The following GRAMD1A variants were observed in gnomAD, a reference collection of about 807,000 sequenced individuals.
GRAMD1A encodes protein Aster-A.
In GRAMD1A, 50 loss-of-function variants were observed where a neutral mutation model predicts 92.0. The ratio of observed to expected loss-of-function variants is 0.54; its 90% CI spans 0.43 to 0.69. The LOEUF is 0.69. Among genes scored for constraint, GRAMD1A ranks in the 30% least tolerant of loss-of-function variants. The probability of loss-of-function intolerance (pLI) is 0.00; values close to 1 mark genes in which losing one functional copy is unlikely to be tolerated. For missense variants in GRAMD1A, 819 were observed against 978.9 expected (o/e 0.84, Z 2.18); for synonymous variants, 405 against 403.6 (o/e 1.00, Z -0.04).
At chr19:34,995,190 G>A (rs2013977269) in intron 1 of GRAMD1A, among the ~76,000 whole-genome samples, 1 of 152,226 alleles carries the variant, frequency 6.6e-6, no homozygotes, top group South Asian at 2.1e-4. Context: ...CCGTTACCCA[G>A]GCCCGGGCTC....
rs528813000 is a variant in GRAMD1A at position 35,000,970 on chromosome 19, T to C, written c.8+484T>C. 6.6e-6 allele frequency among the ~76,000 whole-genome samples: 1 copy of C among 151,234 alleles called. No individual in the cohort carries two copies. The highest frequency in any genetic ancestry group is 2.4e-5 in the African/African-American group (1 of 41,126). ...TGGGCCCCCTCCCACCGTCCTTGGCTGTTGCGGGTCTCGGGGCTGCCGGGG... is the reference window on the plus strand; with the variant it reads ...TGGGCCCCCTCCCACCGTCCTTGGCCGTTGCGGGTCTCGGGGCTGCCGGGG... On this transcript the variant is annotated intron_variant, in intron 1 of 19. Transcript: ENST00000317991. The surrounding 1 kb of genome is among the most constrained non-coding windows in gnomAD (Gnocchi z 4.9).
Position 35,013,730 on chromosome 19 carries a change from G to A in GRAMD1A, c.870+39G>A. 3 of 1,563,082 alleles carry A rather than the reference G, an allele frequency of 1.9e-6. No individual in the cohort carries two copies. The highest frequency in any genetic ancestry group is 2.6e-6 in the Non-Finnish European group (3 of 1,146,338). On this transcript the variant is annotated intron_variant, in intron 9 of 19. Coordinates refer to ENST00000317991, the MANE Select transcript of GRAMD1A (RefSeq NM_020895.5). The surrounding 1 kb of genome is among the most constrained non-coding windows in gnomAD (Gnocchi z 4.9). Reference sequence around the variant, plus strand: ...TGGAAGAGGGGTGGGATACTGATAGGAAGAGAGAGGAGGGCTGGGGGTGCA... The same window carrying A: ...TGGAAGAGGGGTGGGATACTGATAGAAAGAGAGAGGAGGGCTGGGGGTGCA...
upstream of GRAMD1A, chr19:34,999,402 A>G (rs1266987295): frequency 6.6e-6 from 1 of 151,850 alleles, no homozygotes; most frequent in Non-Finnish European, 1.5e-5. Context: ...CGTACCCTGG[A>G]GAGCGCTGGG....
chr19:35,020,277 G>A (rs981579078), intron 13 of GRAMD1A, among the ~76,000 whole-genome samples: 4 of 152,030 alleles, frequency 2.6e-5, no homozygotes, highest in East Asian at 1.9e-4. Flanking sequence ...AGTGGCTTAC[G>A]CCTGTAATCC....
rs1334219383 is a variant in GRAMD1A, at chr19:35,014,500, T to A, written c.1069+113T>A. 1.3e-5 allele frequency: 12 copies of A among 899,078 alleles called. No individual in the cohort carries two copies. The African/African-American group carries it at 1.8e-4, about 14-fold the overall frequency. The allele number at this position is 899,078 out of a possible 1,614,324, so 55.7% of individuals were successfully genotyped here. A position where few individuals can be genotyped will look rare whatever the true frequency, so the allele number is the denominator to read the frequency against. ...ACTGAGAATCCAGGGGCAGGCGGGA[T>A]GGCGTTCAGGCGCTGTTGCTAGAAA... On this transcript the variant is annotated intron_variant, in intron 10 of 19. Transcript: ENST00000317991.
chr19:35,011,822 G>T (rs546254846), intron 7 of GRAMD1A, among the ~76,000 whole-genome samples: 6 of 152,220 alleles, frequency 3.9e-5, no homozygotes, highest in Non-Finnish European at 8.8e-5. Flanking sequence ...CACTGGCAGC[G>T]GGGGAGTGTG....
chr19:34,999,935 C>G, upstream of GRAMD1A: 15 of 966,724 alleles, frequency 1.6e-5, no homozygotes, highest in Non-Finnish European at 1.8e-5. Flanking sequence ...ACATACACCT[C>G]GGTTTCCCAG....
At chr19:35,000,053 A>G, upstream of GRAMD1A, 5 of 985,824 alleles carry the variant, frequency 5.1e-6, no homozygotes, top group Non-Finnish European at 6.0e-6. The surrounding 1 kb of genome is among the most constrained non-coding windows in gnomAD (Gnocchi z 4.9). Flanking sequence ...TTTTCTAGGT[A>G]CTAGGGGAGG....
At chr19:35,015,729 A>G (rs1038368301) in intron 10 of GRAMD1A, 95 bp from the exon 11 acceptor site, 1 of 1,250,558 alleles carries the variant, frequency 8.0e-7, no homozygotes, top group Non-Finnish European at 1.1e-6. Context: ...GGGTCCGCCC[A>G]TGCACACTAC....
chr19:35,020,841 A>G (rs534036145), intron 13 of GRAMD1A, among the ~76,000 whole-genome samples: 2 of 152,244 alleles, frequency 1.3e-5, no homozygotes, highest in African/African-American at 4.8e-5. Flanking sequence ...AAAGACAGGT[A>G]CAGGAGCAGG....
rs1269050026 is a variant in GRAMD1A, at chr19:35,010,574, T to C, written c.525+195T>C. The C allele has an allele frequency of 6.6e-6, 4 of 604,106 alleles. No individual in the cohort carries two copies. The African/African-American group carries it at 7.4e-5, about 11-fold the overall frequency. 37.4% of individuals were successfully genotyped at this position (604,106 alleles called of 1,614,324 possible). A position where few individuals can be genotyped will look rare whatever the true frequency, so the allele number is the denominator to read the frequency against. ...GCCTCTCCTCTCTTTCCCTGCAACC[T>C]GTTACCTCACACAGCTGCTCAGGAA... On this transcript the variant is annotated intron_variant, in intron 6 of 19. Coordinates refer to ENST00000317991, the MANE Select transcript of GRAMD1A (RefSeq NM_020895.5).
At chr19:35,010,004 G>C (rs1317339559) in intron 4 of GRAMD1A, 32 bp downstream of exon 4, 1 of 1,564,208 alleles carries the variant, frequency 6.4e-7, no homozygotes, top group Non-Finnish European at 8.8e-7. Flanking sequence ...CCAGCTCCTA[G>C]CCCAGCCCTG....
intron 1 of GRAMD1A, among the ~76,000 whole-genome samples, chr19:35,004,226 C>T (rs1342264577): frequency 2.0e-5 from 3 of 151,944 alleles, no homozygotes; most frequent in African/African-American, 4.8e-5. Flanking sequence ...TCGGAGCTGC[C>T]GTTAACCATG....
In GRAMD1A at chr19:35,009,928, G is replaced by A. The variant is rs776357005; in HGVS notation, c.281G>A (p.Arg94Gln). The A allele has an allele frequency of 5.6e-6, 9 of 1,613,078 alleles. No individual in the cohort carries two copies. Among genetic ancestry groups the A allele is most frequent in the African/African-American group, 5.3e-5 (4 of 74,878 alleles). Residue 94 changes from arginine (R) to glutamine (Q), a missense_variant, in exon 4 of 20, where the codon CGG becomes CAG. Physicochemically the swap from Arg to Gln is conservative, Grantham distance 43 (BLOSUM62 1). Coordinates refer to ENST00000317991, the MANE Select transcript of GRAMD1A (RefSeq NM_020895.5). ...TATAAGCAGCGTAATGAGGACTTCC[G>A]GAAACTGTTCAGCAAACTCCCCGAA... Reference protein sequence around the residue: ...PTYKQRNEDFRKLFSKLPEAE... With the variant: ...PTYKQRNEDFQKLFSKLPEAE...
chr19:35,013,680 G>C lies in GRAMD1A; in HGVS notation c.859G>C (p.Ala287Pro). Residue 287 changes from alanine to proline, a missense_variant, in exon 9 of 20, where the codon GCA becomes CCA. Around this residue, in one of 3 missense-constraint regions of GRAMD1A, gnomAD observed 577 missense variants for 674.6 expected, o/e 0.86. Transcript: ENST00000317991. The surrounding 1 kb of genome is among the most constrained non-coding windows in gnomAD (Gnocchi z 4.9). The stretch of plus-strand genomic sequence containing the variant: ...CAACCTTTCCCGAGCCAGCAGCGAC[G>C]CAGACCATGGGGTGAGCGGTGGGTT... ...TPNLSRASSD[A>P]DHGAEEDKEE... 6.2e-7 allele frequency: 1 copy of C among 1,610,250 alleles called. No individual in the cohort carries two copies. Among genetic ancestry groups the C allele is most frequent in the Non-Finnish European group, 8.5e-7 (1 of 1,178,148 alleles).
At position 35,026,275 on chromosome 19, in the gene GRAMD1A, G is replaced by T; in HGVS notation, c.*134G>T. The T allele has an allele frequency of 3.2e-6, 2 of 622,316 alleles. No individual in the cohort carries two copies. The highest frequency in any genetic ancestry group is 5.1e-5 in the Admixed American group (2 of 39,506). The allele number at this position is 622,316 out of a possible 1,614,324, so 38.5% of individuals were successfully genotyped here. On this transcript the variant is annotated 3_prime_UTR_variant, in exon 20 of 20. Coordinates refer to ENST00000317991, the MANE Select transcript of GRAMD1A (RefSeq NM_020895.5). ...CGACGGCCCAACCAGGGGCTGTGCA[G>T]ACGTGGGGACCACGGAACCGAGATG... is the stretch of plus-strand genomic sequence containing the variant.
Position 35,000,431 on chromosome 19 carries a change from C to CTGCCT in GRAMD1A, c.-44_-43insTTGCC, listed in dbSNP as rs2014261724. 67 of 1,228,354 alleles carry CTGCCT rather than the reference C, an allele frequency of 5.5e-5. No individual in the cohort carries two copies. The East Asian group carries it at 2.3e-3, about 42-fold the overall frequency. 76.1% of individuals were successfully genotyped at this position (1,228,354 alleles called of 1,614,324 possible). A position where few individuals can be genotyped will look rare whatever the true frequency, so the allele number is the denominator to read the frequency against. ...CAGCCCCGCGCAGCCCAGCCCTGCC[C>CTGCCT]TGCCCTGCCCTGCCCTGCGCCCGGG... On this transcript the variant is annotated 5_prime_UTR_variant, in exon 1 of 20. Transcript: ENST00000317991. This position sits in a 1 kb window ranked among gnomAD's most constrained non-coding sequence, Gnocchi z 4.9.
intron 10 of GRAMD1A, 41 bp from the exon 11 acceptor site, chr19:35,015,760 CGTGGCCCGCAGAGGGAGGGAGGA>C: frequency 2.6e-6 from 4 of 1,518,654 alleles, no homozygotes; most frequent in Non-Finnish European, 3.6e-6. Context: ...AGTGGGGAGG[CGTGGCCCGCAGAGGGAGGGAGGA>C]GTGGAGGCAG....
chr19:35,013,214 C>A lies in GRAMD1A; in HGVS notation c.607-42C>A, dbSNP rs757877054. Reference sequence around the variant, plus strand: ...GGGAATCTGGCGGGCCGGGCTCTGGCTGGGGTGAGATGGAGGCCAACCCCA... The same window carrying A: ...GGGAATCTGGCGGGCCGGGCTCTGGATGGGGTGAGATGGAGGCCAACCCCA... On this transcript the variant is annotated intron_variant, in intron 7 of 19. Transcript: ENST00000317991. The surrounding 1 kb of genome is among the most constrained non-coding windows in gnomAD (Gnocchi z 4.9). The A allele has an allele frequency of 2.7e-6, 3 of 1,095,336 alleles. No homozygotes were observed. Among genetic ancestry groups the A allele is most frequent in the South Asian group, 1.4e-5 (1 of 73,470 alleles). The allele number at this position is 1,095,336 out of a possible 1,614,324, so 67.9% of individuals were successfully genotyped here. A position where few individuals can be genotyped will look rare whatever the true frequency, so the allele number is the denominator to read the frequency against.
Sources: allele counts gnomAD v4.1 joint callset (sites outside exome capture counted in the v4.1 genomes callset), GRCh38; gene constraint gnomAD v4.1.1; regional missense constraint gnomAD v4.1.1; non-coding constraint Gnocchi (gnomAD v3.1); transcripts MANE v1.5; gene names NCBI Gene and HGNC (gene_info 2026-07-23, HGNC 2026-07-21).